CCAR1: variants seen among roughly 807,000 people sequenced by gnomAD.
CCAR1 encodes the protein cell division cycle and apoptosis regulator 1, also known as cell division cycle and apoptosis regulator protein 1.
A neutral mutation model predicts 163.8 loss-of-function variants in CCAR1; 78 were observed. That is an observed-to-expected ratio of 0.48 (90% CI 0.40 to 0.57). The LOEUF (loss-of-function observed/expected upper bound fraction) is 0.57, where lower values mean the gene tolerates loss of function less well. Among genes scored for constraint, CCAR1 ranks in the 20% least tolerant of loss-of-function variants. The pLI, the probability that CCAR1 is intolerant of heterozygous loss-of-function variation, is 0.00. For synonymous variants in CCAR1, 443 were observed against 460.7 expected, an observed-to-expected ratio of 0.96 and a Z score of 0.49; for missense variants, 1,019 against 1,365.2, an observed-to-expected ratio of 0.75 and a Z score of 4.00.
chr10:68,721,743 G>T, intron 1 of CCAR1: 1 of 323,616 alleles, frequency 3.1e-6, no homozygotes, highest in South Asian at 2.1e-5. Context: ...GTCGCCGGCG[G>T]CCGGCACGGA....
chr10:68,781,271 G>A (rs1170580289), intron 19 of CCAR1, among the ~76,000 whole-genome samples: 7 of 151,802 alleles, frequency 4.6e-5, no homozygotes, highest in Admixed American at 2.6e-4. Context: ...TTACAGGTGC[G>A]GTGGCTCATA....
In CCAR1 at chr10:68,731,787, C is replaced by T. The variant is rs143161837; in HGVS notation, c.74-5089C>T. Among the ~76,000 whole-genome samples, 13 of 151,902 alleles carry T rather than the reference C, an allele frequency of 8.6e-5. No individual in the cohort carries two copies. In the East Asian group the frequency reaches 2.1e-3, roughly 25 times the overall value. On this transcript the variant is annotated intron_variant, in intron 2 of 24. Coordinates refer to ENST00000265872, the MANE Select transcript of CCAR1 (RefSeq NM_018237.4). The stretch of plus-strand genomic sequence containing the variant: ...TGTATTTTGAGTAGAGATGGGGTTT[C>T]GCCATGTTTGCCAGGCTGGTCTCAA...
At chr10:68,723,734 G>GT (rs1175371808) in intron 2 of CCAR1, among the ~76,000 whole-genome samples, 1 of 151,582 alleles carries the variant, frequency 6.6e-6, no homozygotes, top group Non-Finnish European at 1.5e-5. Context: ...TGTAGTCCCA[G>GT]TTACTCGGGA....
rs1445698723 is a variant in CCAR1, at chr10:68,771,640, T to TG, written c.2538+196dup. On this transcript the variant is annotated intron_variant, in intron 18 of 24. Coordinates refer to ENST00000265872, the MANE Select transcript of CCAR1 (RefSeq NM_018237.4). ...CCACTAAAGATCCAAAAAATTAGCC[T>TG]GACATGATGGCACATGCCTATAGTC... Among the ~76,000 whole-genome samples, 411 of 152,098 alleles carry TG rather than the reference T, an allele frequency of 2.7e-3. 3 individuals carry two copies. Among genetic ancestry groups the TG allele is most frequent in the African/African-American group, 9.5e-3 (395 of 41,520 alleles).
chr10:68,776,061 C>T (rs1370994112), intron 19 of CCAR1, among the ~76,000 whole-genome samples: 1 of 151,164 alleles, frequency 6.6e-6, no homozygotes, highest in African/African-American at 2.4e-5. Context: ...GATCTCCTGA[C>T]CTCGTGATTT....
chr10:68,721,456 G>C (rs530129495), intron 1 of CCAR1, 174 bp downstream of exon 1: 2 of 336,168 alleles, frequency 5.9e-6, no homozygotes, highest in South Asian at 4.2e-5. Flanking sequence ...CCTTTTGTGC[G>C]GGTCGGAGCA....
At chr10:68,721,566 GC>G in intron 1 of CCAR1, 1 of 449,680 alleles carries the variant, frequency 2.2e-6, no homozygotes, top group Non-Finnish European at 4.5e-6. Flanking sequence ...CCGCCCCATT[GC>G]TCCCGAGCCG....
intron 19 of CCAR1, among the ~76,000 whole-genome samples, chr10:68,776,090 A>G (rs1302843009): frequency 6.6e-6 from 1 of 151,806 alleles, no homozygotes; most frequent in Admixed American, 6.6e-5. Flanking sequence ...CAGCCTCCCA[A>G]AGTGCTGGGT....
rs1182235723 is a variant in CCAR1, at chr10:68,761,079, C to T, written c.1993C>T (p.Arg665Ter). 1.2e-6 allele frequency: 2 copies of T among 1,605,532 alleles called. No homozygotes were observed. Among genetic ancestry groups the T allele is most frequent in the Non-Finnish European group, 8.5e-7 (1 of 1,175,606 alleles). Residue 665 changes from arginine (R) to a stop codon, truncating the protein, a stop_gained, in exon 16 of 25, where the codon CGA (arginine) becomes TGA (stop). Transcript: ENST00000265872. LOFTEE classifies it high-confidence loss of function. ...SKGLKSQLIA[R>*]LTKQLKVEEQ... is the part of the protein sequence containing the mutation. ...AGGATTAAAATCCCAGTTAATAGCC[C>T]GATTGACAAAACAGCTTAAAGTAGA...
At position 68,740,883 on chromosome 10, in the gene CCAR1, T is replaced by TTTTATTTA. The variant is rs754473259; in HGVS notation, c.324+262_324+269dup. On this transcript the variant is annotated intron_variant, in intron 5 of 24. Transcript: ENST00000265872. ...CAGTTTGAATAAATATGAGGTTTTA[T>TTTTATTTA]TTTATTTATTTATTTATTTATTTAT... is the stretch of plus-strand genomic sequence containing the variant. Among the ~76,000 whole-genome samples the TTTTATTTA allele has an allele frequency of 3.1e-3, 447 of 144,888 alleles. 3 individuals carry two copies. Among genetic ancestry groups the TTTTATTTA allele is most frequent in the East Asian group, 5.6e-3 (28 of 4,964 alleles).
intron 10 of CCAR1, among the ~76,000 whole-genome samples, chr10:68,750,432 C>T (rs1490402521): frequency 1.3e-5 from 2 of 151,860 alleles, no homozygotes; most frequent in Non-Finnish European, 2.9e-5. Flanking sequence ...ATGTTGTTGG[C>T]CAGGTTTGTT....
chr10:68,759,838 A>G lies in CCAR1; in HGVS notation c.1921-1169A>G, dbSNP rs1348255836. ...TTTTATACTATTCAATTAAATTGATATACAGATATTTCTTAGGTGGTATTA... is the reference window on the plus strand; with the variant it reads ...TTTTATACTATTCAATTAAATTGATGTACAGATATTTCTTAGGTGGTATTA... On this transcript the variant is annotated intron_variant, in intron 15 of 24. Transcript: ENST00000265872. Among the ~76,000 whole-genome samples, 4 of 152,266 alleles carry G rather than the reference A, an allele frequency of 2.6e-5. No homozygotes were observed. The East Asian group carries it at 7.7e-4, about 29-fold the overall frequency.
chr10:68,761,046 AGTTCCAAAGGATTAAAATC>A lies in CCAR1; in HGVS notation c.1961_1979del (p.Ser654ThrfsTer3). 6.4e-7 allele frequency: 1 copy of A among 1,565,486 alleles called. No individual in the cohort carries two copies. The highest frequency in any genetic ancestry group is 8.6e-7 in the Non-Finnish European group (1 of 1,160,146). On this transcript the variant is annotated frameshift_variant, in exon 16 of 25. Transcript: ENST00000265872. LOFTEE classifies it high-confidence loss of function. ...AAAAGAATTAGAAAGTCGAGCTCTTAGTTCCAAAGGATTAAAATCCCAGTTAATAGCCCGATTGACAAAA... is the reference window on the plus strand; with the variant it reads ...AAAAGAATTAGAAAGTCGAGCTCTTACCAGTTAATAGCCCGATTGACAAAA...
At position 68,738,980 on chromosome 10, in the gene CCAR1, T is replaced by C. The variant is rs2056149034; in HGVS notation, c.291+1091T>C. On this transcript the variant is annotated intron_variant, in intron 4 of 24. Coordinates refer to ENST00000265872, the MANE Select transcript of CCAR1 (RefSeq NM_018237.4). ...AAAGTCACACTTTGTAGTTCACACT[T>C]CTATTCCCTAGGCATGTTTAAACAA... Among the ~76,000 whole-genome samples, 3 of 152,324 alleles carry C rather than the reference T, an allele frequency of 2.0e-5. No homozygotes were observed. The South Asian group carries it at 6.2e-4, about 32-fold the overall frequency.
chr10:68,789,804 A>G lies in CCAR1; in HGVS notation c.3282A>G (p.Gln1094=). The change falls in exon 24 of 25, where the codon CAA becomes CAG. Residue 1094 remains glutamine, a synonymous_variant. Transcript: ENST00000265872. ...TTAAAAAGGACCTTAGTCAGTTACA[A>G]GAAAACTTAAAGATTTCGGAAAACA... ...REVKKDLSQL[Q]ENLKISENMN... 1.2e-6 allele frequency: 2 copies of G among 1,608,162 alleles called. No homozygotes were observed. Among genetic ancestry groups the G allele is most frequent in the South Asian group, 1.1e-5 (1 of 89,152 alleles).
intron 2 of CCAR1, among the ~76,000 whole-genome samples, chr10:68,736,604 C>A (rs1309653702): frequency 6.6e-6 from 1 of 152,096 alleles, no homozygotes; most frequent in African/African-American, 2.4e-5. Flanking sequence ...TGGCTTATTT[C>A]ACTTAACATA....
rs938989961 is a variant in CCAR1 at position 68,791,314 on chromosome 10, A to G, written c.*48A>G. ...AATGGTGTTAAATAATGTAATATAT[A>G]AAAATCATGATATAAGAATGTTTGA... On this transcript the variant is annotated 3_prime_UTR_variant, in exon 25 of 25. Coordinates refer to ENST00000265872, the MANE Select transcript of CCAR1 (RefSeq NM_018237.4). 2.4e-6 allele frequency: 3 copies of G among 1,247,290 alleles called. No individual in the cohort carries two copies. The highest frequency in any genetic ancestry group is 3.4e-6 in the Non-Finnish European group (3 of 877,624). The allele number at this position is 1,247,290 out of a possible 1,614,324, so 77.3% of individuals were successfully genotyped here.
At chr10:68,741,080 AT>A in intron 5 of CCAR1, among the ~76,000 whole-genome samples, 1 of 151,402 alleles carries the variant, frequency 6.6e-6, no homozygotes, top group East Asian at 1.9e-4. Context: ...CGCCTGGCTG[AT>A]TTTTGTATTT....
intron 23 of CCAR1, among the ~76,000 whole-genome samples, chr10:68,788,585 A>T (rs1205395921): frequency 6.6e-6 from 1 of 152,162 alleles, no homozygotes. Context: ...CCCGGATCCA[A>T]GTGATTCTCC....
Sources: allele counts gnomAD v4.1 joint callset (sites outside exome capture counted in the v4.1 genomes callset), GRCh38; gene constraint gnomAD v4.1.1; transcripts MANE v1.5; gene names NCBI Gene and HGNC (gene_info 2026-07-23, HGNC 2026-07-21).